The following ATP2B2 variants were observed in gnomAD, a reference collection of about 807,000 sequenced individuals.
The protein encoded by ATP2B2 is plasma membrane calcium-transporting ATPase 2.
A neutral mutation model predicts 120.0 loss-of-function variants in ATP2B2; 15 were observed. The ratio of observed to expected loss-of-function variants is 0.12; its 90% CI spans 0.08 to 0.19. The LOEUF is 0.19. Ranked by LOEUF, ATP2B2 falls within the 10% of genes least tolerant of loss-of-function variation. ATP2B2 has a pLI of 1.00. For synonymous variants in ATP2B2, 694 were observed against 700.3 expected (o/e 0.99, Z 0.14); for missense variants, 1,045 against 1,719.8 (o/e 0.61, Z 6.94).
At chr3:10,584,548 C>T (rs886482391) in intron 2 of ATP2B2, among the ~76,000 whole-genome samples, 3 of 152,094 alleles carry the variant, frequency 2.0e-5, no homozygotes, top group Non-Finnish European at 4.4e-5. Context: ...GTCACAGTCC[C>T]GAATGTCCAC....
intron 2 of ATP2B2, among the ~76,000 whole-genome samples, chr3:10,618,305 C>T (rs1379632560): frequency 1.3e-5 from 2 of 152,092 alleles, no homozygotes; most frequent in African/African-American, 2.4e-5. Context: ...TCAGGATGAA[C>T]CTATGTAAGA....
At chr3:10,414,536 C>G (rs1367490356) in intron 2 of ATP2B2, among the ~76,000 whole-genome samples, 2 of 152,186 alleles carry the variant, frequency 1.3e-5, no homozygotes, top group African/African-American at 4.8e-5. Context: ...TGCTTCTCAG[C>G]TCCTGTGGGG....
chr3:10,659,622 T>A (rs2070728321), intron 1 of ATP2B2, among the ~76,000 whole-genome samples: 1 of 152,172 alleles, frequency 6.6e-6, no homozygotes, highest in Non-Finnish European at 1.5e-5. Flanking sequence ...ACAAAGAGAC[T>A]TAGACTCCCA....
chr3:10,342,930 C>T lies in ATP2B2; in HGVS notation c.2739G>A (p.Val913=). Residue 913 remains valine, a synonymous_variant, in exon 19 of 23, where the codon GTG becomes GTA. Transcript: ENST00000360273. The surrounding 1 kb of genome is among the most constrained non-coding windows in gnomAD (Gnocchi z 4.4). ...AGGCAAACGTGTCCATGATGAGGTT[C>T]ACCCAGAGCATCTGCACGGCCTTCA... is the stretch of plus-strand genomic sequence containing the variant. ...SPLKAVQMLW[V]NLIMDTFASL... 1.2e-6 allele frequency: 2 copies of T among 1,614,116 alleles called. No individual in the cohort carries two copies. Among genetic ancestry groups the T allele is most frequent in the South Asian group, 1.1e-5 (1 of 91,082 alleles).
intron 2 of ATP2B2, among the ~76,000 whole-genome samples, chr3:10,535,593 A>G (rs1185389557): frequency 6.6e-6 from 1 of 152,160 alleles, no homozygotes; most frequent in African/African-American, 2.4e-5. Flanking sequence ...TGTTCTTTCA[A>G]TGATGTTATA....
At chr3:10,583,976 C>G (rs973615500) in intron 2 of ATP2B2, among the ~76,000 whole-genome samples, 1 of 152,226 alleles carries the variant, frequency 6.6e-6, no homozygotes, top group African/African-American at 2.4e-5. Flanking sequence ...AGGCAGTAAT[C>G]GCTGGCCAGG....
chr3:10,435,593 C>T (rs1174041097), intron 2 of ATP2B2, among the ~76,000 whole-genome samples: 1 of 152,220 alleles, frequency 6.6e-6, no homozygotes, highest in African/African-American at 2.4e-5. Context: ...TACTTCTCAA[C>T]TTGGGCTGCC....
At chr3:10,472,750 C>T (rs2065064387) in intron 1 of ATP2B2, among the ~76,000 whole-genome samples, 1 of 152,210 alleles carries the variant, frequency 6.6e-6, no homozygotes, top group Non-Finnish European at 1.5e-5. Flanking sequence ...AGACTGTGAG[C>T]AGGGGTTGGT....
intron 1 of ATP2B2, among the ~76,000 whole-genome samples, chr3:10,474,282 T>C (rs910753746): frequency 6.6e-6 from 1 of 152,142 alleles, no homozygotes; most frequent in Admixed American, 6.5e-5. Context: ...AGAATCCTGT[T>C]TTGGACTTGT....
At chr3:10,539,190 GAACTACA>G in intron 2 of ATP2B2, among the ~76,000 whole-genome samples, 1 of 152,266 alleles carries the variant, frequency 6.6e-6, no homozygotes, top group Non-Finnish European at 1.5e-5. Flanking sequence ...TCTTCAAGGA[GAACTACA>G]AACCACTGCT....
chr3:10,452,351 C>T (rs73117787), intron 1 of ATP2B2, among the ~76,000 whole-genome samples: 290 of 152,354 alleles, frequency 1.9e-3, no homozygotes, highest in African/African-American at 6.7e-3. Flanking sequence ...AGCCTCAATA[C>T]GGCTCCCTCC....
chr3:10,546,124 G>A (rs557329935), intron 2 of ATP2B2, among the ~76,000 whole-genome samples: 40 of 152,264 alleles, frequency 2.6e-4, no homozygotes, highest in Admixed American at 2.1e-3. Context: ...ATGTTAGTAC[G>A]CACACAGGCA....
intron 1 of ATP2B2, among the ~76,000 whole-genome samples, chr3:10,483,994 A>G (rs2065523510): frequency 6.6e-6 from 1 of 152,188 alleles, no homozygotes; most frequent in African/African-American, 2.4e-5. Context: ...CTGGGGAGTG[A>G]GTCACAAGCC....
chr3:10,648,619 G>A (rs2070378750), intron 1 of ATP2B2, among the ~76,000 whole-genome samples: 1 of 152,060 alleles, frequency 6.6e-6, no homozygotes, highest in South Asian at 2.1e-4. Context: ...CCGACCTCAG[G>A]ACTCCCAAAC....
intron 2 of ATP2B2, among the ~76,000 whole-genome samples, chr3:10,599,344 C>G (rs2068844437): frequency 6.6e-6 from 1 of 152,190 alleles, no homozygotes. Context: ...AGCACTCCAC[C>G]TTTGGCTCTT....
chr3:10,359,243 G>T lies in ATP2B2; in HGVS notation c.1902-318C>A, dbSNP rs73811894. ...TTGACCCTGCCTGCACATTAGAATT[G>T]CTTGGAGGAGCCTTTAATAAATACC... On this transcript the variant is annotated intron_variant, in intron 13 of 22. Transcript: ENST00000360273. Among the ~76,000 whole-genome samples the T allele has an allele frequency of 0.017, 2,518 of 152,296 alleles. 57 individuals are homozygous for T. The highest frequency in any genetic ancestry group is 0.057 in the African/African-American group (2,369 of 41,546).
In ATP2B2 at chr3:10,340,804, G is replaced by A. The variant is rs1018612200; in HGVS notation, c.2918-100C>T. 4.3e-6 allele frequency: 5 copies of A among 1,173,772 alleles called. No individual in the cohort carries two copies. In the Admixed American group the frequency reaches 5.7e-5, roughly 13 times the overall value. 72.7% of individuals were successfully genotyped at this position (1,173,772 alleles called of 1,614,324 possible). On this transcript the variant is annotated intron_variant, in intron 19 of 22. Transcript: ENST00000360273. This position sits in a 1 kb window ranked among gnomAD's most constrained non-coding sequence, Gnocchi z 5.0. Reference sequence around the variant, plus strand: ...GGGGGCCTCTTCTGAGCAGTGACGTGAATCCCCAAGACATCAAGGCATGCT... The same window carrying A: ...GGGGGCCTCTTCTGAGCAGTGACGTAAATCCCCAAGACATCAAGGCATGCT...
intron 2 of ATP2B2, among the ~76,000 whole-genome samples, chr3:10,448,656 A>G (rs2063922774): frequency 6.6e-6 from 1 of 152,172 alleles, no homozygotes; most frequent in South Asian, 2.1e-4. Flanking sequence ...AGGACATACA[A>G]GGACATCTGT....
At chr3:10,422,643 C>G (rs1386403991) in intron 2 of ATP2B2, among the ~76,000 whole-genome samples, 1 of 152,234 alleles carries the variant, frequency 6.6e-6, no homozygotes, top group Non-Finnish European at 1.5e-5. Flanking sequence ...TGCACATGCA[C>G]ACACAGATGT....
Sources: allele counts gnomAD v4.1 joint callset (sites outside exome capture counted in the v4.1 genomes callset), GRCh38; gene constraint gnomAD v4.1.1; non-coding constraint Gnocchi (gnomAD v3.1); transcripts MANE v1.5; gene names NCBI Gene and HGNC (gene_info 2026-07-23, HGNC 2026-07-21).